Variants in GPR158 observed in about 807,000 individuals in gnomAD.
The protein encoded by GPR158 is metabotropic glycine receptor.
Under a neutral mutation model 78.2 loss-of-function variants are expected in GPR158, and 30 were observed. The ratio of observed to expected loss-of-function variants is 0.38; its 90% CI spans 0.29 to 0.52. The LOEUF (loss-of-function observed/expected upper bound fraction) is 0.52, where lower values mean the gene tolerates loss of function less well. GPR158 is among the 20% of genes least tolerant of loss of function. GPR158 has a pLI of 0.83. For synonymous variants in GPR158, 581 were observed against 591.1 expected (o/e 0.98, Z 0.25); for missense variants, 1,463 against 1,523.5 (o/e 0.96, Z 0.66).
At chr10:25,258,089 T>C (rs1853915338) in intron 2 of GPR158, among the ~76,000 whole-genome samples, 1 of 152,188 alleles carries the variant, frequency 6.6e-6, no homozygotes, top group African/African-American at 2.4e-5. Flanking sequence ...ATGAGATATT[T>C]TTAACTACCA....
At chr10:25,251,702 T>G (rs1043196834) in intron 2 of GPR158, among the ~76,000 whole-genome samples, 106 of 151,832 alleles carry the variant, frequency 7.0e-4, no homozygotes, top group African/African-American at 2.3e-3. Context: ...CTGATGGGCT[T>G]CCCTTTGAGG....
At chr10:25,311,705 A>T (rs911324475) in intron 2 of GPR158, among the ~76,000 whole-genome samples, 14 of 151,972 alleles carry the variant, frequency 9.2e-5, no homozygotes, top group African/African-American at 3.1e-4. Flanking sequence ...GTGCCCCAAG[A>T]CTTTTTGATT....
intron 2 of GPR158, among the ~76,000 whole-genome samples, chr10:25,371,770 C>T (rs1193161878): frequency 7.4e-6 from 1 of 135,146 alleles, no homozygotes; most frequent in Non-Finnish European, 1.6e-5. Flanking sequence ...AAAACCTAGG[C>T]ATTACCATTC....
At chr10:25,557,491 G>C (rs1836801187) in intron 6 of GPR158, among the ~76,000 whole-genome samples, 1 of 152,118 alleles carries the variant, frequency 6.6e-6, no homozygotes, top group Non-Finnish European at 1.5e-5. Flanking sequence ...ATCTCTAACT[G>C]GCTAGAAGAT....
intron 2 of GPR158, among the ~76,000 whole-genome samples, chr10:25,369,634 T>C (rs1833957567): frequency 6.6e-6 from 1 of 151,864 alleles, no homozygotes; most frequent in African/African-American, 2.4e-5. Context: ...ATTCTCTTTT[T>C]TGGTTGTGTC....
At chr10:25,231,097 C>G (rs1305072521) in intron 2 of GPR158, among the ~76,000 whole-genome samples, 2 of 152,110 alleles carry the variant, frequency 1.3e-5, no homozygotes, top group Non-Finnish European at 2.9e-5. Flanking sequence ...CTTGTGCTTG[C>G]CAAAGGTGAG....
intron 2 of GPR158, among the ~76,000 whole-genome samples, chr10:25,316,834 C>G (rs1408467669): frequency 6.6e-6 from 1 of 151,452 alleles, no homozygotes; most frequent in Non-Finnish European, 1.5e-5. Flanking sequence ...GGATTAAGGT[C>G]ATTTAATTCT....
intron 1 of GPR158, among the ~76,000 whole-genome samples, chr10:25,195,228 C>T (rs1389328053): frequency 1.4e-4 from 21 of 149,244 alleles, no homozygotes; most frequent in Admixed American, 1.0e-3. Flanking sequence ...TTTTTTGAGA[C>T]GGAATCTCAC....
chr10:25,215,103 G>GA (rs1195292397), intron 1 of GPR158, among the ~76,000 whole-genome samples: 1 of 152,144 alleles, frequency 6.6e-6, no homozygotes, highest in Admixed American at 6.5e-5. Flanking sequence ...CCAAAAGGGG[G>GA]AAGGAACTCA....
intron 4 of GPR158, among the ~76,000 whole-genome samples, chr10:25,426,626 A>T (rs887205522): frequency 6.6e-6 from 1 of 152,118 alleles, no homozygotes; most frequent in African/African-American, 2.4e-5. Context: ...CACAAGATTT[A>T]TGAAGTCTGC....
At chr10:25,320,576 T>C (rs1554793663) in intron 2 of GPR158, among the ~76,000 whole-genome samples, 1 of 152,236 alleles carries the variant, frequency 6.6e-6, no homozygotes, top group Non-Finnish European at 1.5e-5. Context: ...ATGATCTTTA[T>C]GTTTATAAGT....
chr10:25,175,404 T>G lies in GPR158; in HGVS notation c.-17T>G. On this transcript the variant is annotated 5_prime_UTR_variant, in exon 1 of 11. Coordinates refer to ENST00000376351, the MANE Select transcript of GPR158 (RefSeq NM_020752.3). The surrounding 1 kb of genome is among the most constrained non-coding windows in gnomAD (Gnocchi z 6.4). Reference sequence around the variant, plus strand: ...TTCCCCCCCCTCCCGTTCCCTCCTCTTCTCTCTGGGAGGCAGATGGGAGCC... The same window carrying G: ...TTCCCCCCCCTCCCGTTCCCTCCTCGTCTCTCTGGGAGGCAGATGGGAGCC... 2 of 1,466,910 alleles carry G rather than the reference T, an allele frequency of 1.4e-6. No homozygotes were observed. The highest frequency in any genetic ancestry group is 1.8e-6 in the Non-Finnish European group (2 of 1,088,236). The allele number at this position is 1,466,910 out of a possible 1,614,324, so 90.9% of individuals were successfully genotyped here.
At chr10:25,192,559 A>G (rs937729857) in intron 1 of GPR158, among the ~76,000 whole-genome samples, 7 of 152,174 alleles carry the variant, frequency 4.6e-5, no homozygotes, top group African/African-American at 1.7e-4. Flanking sequence ...CTGTGGCTCA[A>G]TTCCCTCATT....
chr10:25,304,390 C>T (rs1403642774), intron 2 of GPR158, among the ~76,000 whole-genome samples: 1 of 151,936 alleles, frequency 6.6e-6, no homozygotes, highest in Admixed American at 6.6e-5. Context: ...TATGTTACCC[C>T]TTTTATAACA....
At chr10:25,203,975 G>A (rs1417897920) in intron 1 of GPR158, among the ~76,000 whole-genome samples, 3 of 145,196 alleles carry the variant, frequency 2.1e-5, no homozygotes, top group African/African-American at 5.2e-5. Context: ...GGGCCTTCAC[G>A]TCCCTTGTAA....
intron 2 of GPR158, among the ~76,000 whole-genome samples, chr10:25,287,363 A>G (rs1854366630): frequency 6.6e-6 from 1 of 152,092 alleles, no homozygotes; most frequent in Non-Finnish European, 1.5e-5. Context: ...AGGTGGGTTT[A>G]GGTGGGTTTT....
intron 4 of GPR158, among the ~76,000 whole-genome samples, chr10:25,439,465 AT>A (rs1394911663): frequency 6.6e-6 from 1 of 152,044 alleles, no homozygotes; most frequent in Non-Finnish European, 1.5e-5. Flanking sequence ...GCCAAACCAC[AT>A]CAAGTCTCCT....
chr10:25,345,223 G>A (rs1466523280), intron 2 of GPR158, among the ~76,000 whole-genome samples: 1 of 151,868 alleles, frequency 6.6e-6, no homozygotes, highest in East Asian at 1.9e-4. Flanking sequence ...GAGACAAAGG[G>A]ACCCTCTTGC....
At chr10:25,372,562 C>G (rs371966579) in intron 2 of GPR158, among the ~76,000 whole-genome samples, 1 of 147,298 alleles carries the variant, frequency 6.8e-6, no homozygotes, top group Non-Finnish European at 1.5e-5. Flanking sequence ...TTTGTAGGGA[C>G]ATGGACGAAA....
Sources: allele counts gnomAD v4.1 joint callset (sites outside exome capture counted in the v4.1 genomes callset), GRCh38; gene constraint gnomAD v4.1.1; non-coding constraint Gnocchi (gnomAD v3.1); transcripts MANE v1.5; gene names NCBI Gene and HGNC (gene_info 2026-07-23, HGNC 2026-07-21).